The following GLIS3 variants were observed in gnomAD, a reference collection of about 807,000 sequenced individuals.
The protein encoded by GLIS3 is GLIS family zinc finger 3, also known as zinc finger protein GLIS3.
Under a neutral mutation model 78.6 loss-of-function variants are expected in GLIS3, and 53 were observed. That is an observed-to-expected ratio of 0.67 (90% confidence interval 0.54 to 0.85). The LOEUF is 0.85. GLIS3 is among the 40% of genes least tolerant of loss of function. GLIS3 has a pLI of 0.00. For missense variants in GLIS3, 1,703 were observed against 1,231.1 expected (o/e 1.38, Z -5.74); for synonymous variants, 684 against 509.9 (o/e 1.34, Z -4.60).
chr9:4,094,775 A>T (rs553793904), intron 4 of GLIS3, among the ~76,000 whole-genome samples: 1 of 152,336 alleles, frequency 6.6e-6, no homozygotes, highest in African/African-American at 2.4e-5. Flanking sequence ...CTTAGATCCG[A>T]TGGCTTATTT....
chr9:4,252,194 G>A (rs904984761), intron 2 of GLIS3, among the ~76,000 whole-genome samples: 14 of 152,166 alleles, frequency 9.2e-5, no homozygotes, highest in African/African-American at 3.4e-4. Flanking sequence ...ATATCCTGAG[G>A]AGTGTTTTAA....
chr9:4,178,632 C>G (rs1817009330), intron 2 of GLIS3, among the ~76,000 whole-genome samples: 1 of 152,174 alleles, frequency 6.6e-6, no homozygotes, highest in South Asian at 2.1e-4. Flanking sequence ...GACATAGCAA[C>G]CACAGTTTAT....
chr9:4,159,057 T>G (rs1835272801), intron 2 of GLIS3, among the ~76,000 whole-genome samples: 1 of 111,228 alleles, frequency 9.0e-6, no homozygotes, highest in Non-Finnish European at 1.8e-5. Context: ...AAAGCCAGGC[T>G]AGCTGCAATG....
intron 7 of GLIS3, among the ~76,000 whole-genome samples, chr9:3,889,228 C>T (rs530429636): frequency 1.4e-4 from 21 of 152,226 alleles, no homozygotes; most frequent in Middle Eastern, 3.4e-3. Flanking sequence ...GTGAGAGCCA[C>T]GTTAGTCAGT....
At chr9:3,890,490 T>A (rs1822357466) in intron 7 of GLIS3, among the ~76,000 whole-genome samples, 1 of 152,146 alleles carries the variant, frequency 6.6e-6, no homozygotes, top group African/African-American at 2.4e-5. Flanking sequence ...AATCCAACAT[T>A]TTAAGCAAGA....
chr9:4,375,448 A>G, the GLIS3 span, among the ~76,000 whole-genome samples: 1 of 152,322 alleles, frequency 6.6e-6, no homozygotes, highest in Admixed American at 6.5e-5. Context: ...TATAATATAA[A>G]TGTAAGGTTT....
rs573451696 is a variant in GLIS3, at chr9:4,002,917, C to A, written c.1711-65728G>T. Among the ~76,000 whole-genome samples the A allele has an allele frequency of 1.1e-4, 17 of 152,296 alleles. No individual in the cohort carries two copies. The South Asian group carries it at 3.5e-3, about 32-fold the overall frequency. Reference sequence around the variant, plus strand: ...AACCATGAGGCAAAGGTCAAGAGATCCACAACGACATGGCTCTGATACTGC... The same window carrying A: ...AACCATGAGGCAAAGGTCAAGAGATACACAACGACATGGCTCTGATACTGC... On this transcript the variant is annotated intron_variant, in intron 4 of 10. Coordinates refer to ENST00000381971, the MANE Select transcript of GLIS3 (RefSeq NM_001042413.2).
chr9:4,484,576 C>T, the GLIS3 span, among the ~76,000 whole-genome samples: 7 of 151,614 alleles, frequency 4.6e-5, no homozygotes, highest in Non-Finnish European at 1.0e-4. Context: ...TGCCACCACA[C>T]CTGGCTAATT....
At chr9:3,879,404 G>A in intron 8 of GLIS3, 23 bp downstream of exon 8, 3 of 1,611,468 alleles carry the variant, frequency 1.9e-6, no homozygotes, top group Non-Finnish European at 2.5e-6. Context: ...CACCTATTAG[G>A]AGAGAGAGAC....
At chr9:4,215,896 C>A (rs952804090) in intron 2 of GLIS3, among the ~76,000 whole-genome samples, 19 of 152,026 alleles carry the variant, frequency 1.2e-4, no homozygotes, top group Non-Finnish European at 2.4e-4. Context: ...ATGGTTCAAG[C>A]AATATAGGGA....
the GLIS3 span, among the ~76,000 whole-genome samples, chr9:4,390,313 A>C: frequency 6.6e-6 from 1 of 152,182 alleles, no homozygotes; most frequent in Non-Finnish European, 1.5e-5. Flanking sequence ...GCATAAGTAG[A>C]CTTTGTGGCA....
intron 2 of GLIS3, among the ~76,000 whole-genome samples, chr9:4,279,241 T>G (rs1463320252): frequency 1.4e-5 from 2 of 141,650 alleles, no homozygotes; most frequent in East Asian, 4.2e-4. Flanking sequence ...GAGGTTGCAG[T>G]GAGCCGAGAT....
chr9:4,101,806 G>A (rs913042262), intron 4 of GLIS3, among the ~76,000 whole-genome samples: 2 of 152,134 alleles, frequency 1.3e-5, no homozygotes, highest in Non-Finnish European at 2.9e-5. Context: ...ACTCTTTCCT[G>A]TTAATGAGTC....
chr9:3,850,467 A>G (rs981368629), intron 9 of GLIS3, among the ~76,000 whole-genome samples: 1 of 152,244 alleles, frequency 6.6e-6, no homozygotes, highest in African/African-American at 2.4e-5. Context: ...ACACAATTGC[A>G]CATTATCCTG....
intron 8 of GLIS3, among the ~76,000 whole-genome samples, chr9:3,865,300 G>A (rs1721752942): frequency 6.6e-6 from 1 of 152,136 alleles, no homozygotes; most frequent in Admixed American, 6.5e-5. Flanking sequence ...TAATCTCTTA[G>A]CAGCTAAGTC....
intron 2 of GLIS3, among the ~76,000 whole-genome samples, chr9:4,258,535 G>A (rs7857343): frequency 0.96 from 146,158 of 152,240 alleles, 70,402 homozygotes; most frequent in East Asian, 1. Flanking sequence ...AAATTATCCT[G>A]AAAGAAAAAG....
rs542599450 is a variant in GLIS3, at chr9:3,898,768, G to A, written c.2051C>T (p.Pro684Leu). The change falls in exon 7 of 11, where the codon CCG becomes CTG. Residue 684 changes from proline (P) to leucine (L), a missense_variant. Pro to Leu is a moderately conservative substitution (Grantham distance 98). Transcript: ENST00000381971. ...TDCLTVQSLQPATSPRDAAAE... is the reference protein window; with the variant it reads ...TDCLTVQSLQLATSPRDAAAE... ...AGCAGCATCTCTAGGGGAAGTGGCC[G>A]GCTGCAGGGACTGCACGGTGAGGCA... 38 of 1,614,182 alleles carry A rather than the reference G, an allele frequency of 2.4e-5. No homozygotes were observed. The highest frequency in any genetic ancestry group is 1.3e-4 in the East Asian group (6 of 44,882).
intron 8 of GLIS3, among the ~76,000 whole-genome samples, chr9:3,876,282 A>T (rs1473576709): frequency 6.7e-6 from 1 of 150,168 alleles, no homozygotes; most frequent in East Asian, 2.0e-4. Context: ...AACAATAAAA[A>T]GCTGGAGAAC....
At chr9:4,087,128 T>C (rs1829099014) in intron 4 of GLIS3, among the ~76,000 whole-genome samples, 2 of 152,282 alleles carry the variant, frequency 1.3e-5, no homozygotes, top group African/African-American at 2.4e-5. Flanking sequence ...CAATAAATCA[T>C]GTGAAGTGGA....
Sources: gnomAD v4.1 joint callset for allele counts (sites outside exome capture counted in the v4.1 genomes callset) on GRCh38, gnomAD v4.1.1 for gene constraint, MANE v1.5 for transcripts, NCBI Gene and HGNC (gene_info 2026-07-23, HGNC 2026-07-21) for gene names.